Variants in DPH6 observed in about 807,000 individuals in gnomAD.
DPH6 encodes diphthamine biosynthesis 6, also known as diphthine--ammonia ligase.
In DPH6, 33 loss-of-function variants were observed where a neutral mutation model predicts 38.2. That is an observed-to-expected ratio of 0.86 (90% CI 0.65 to 1.15). DPH6 has a LOEUF of 1.15. Among genes scored for constraint, DPH6 ranks in the 50% most tolerant of loss-of-function variants. DPH6 has a pLI of 0.00. For missense variants in DPH6, 325 were observed against 320.0 expected (o/e 1.02, Z -0.12); for synonymous variants, 108 against 103.0 (o/e 1.05, Z -0.30).
At chr15:35,210,092 CT>C in the DPH6 span, among the ~76,000 whole-genome samples, 5 of 152,202 alleles carry the variant, frequency 3.3e-5, no homozygotes, top group African/African-American at 1.2e-4. Context: ...GACAGAGTAG[CT>C]TTTGTTTGTA....
Position 35,373,569 on chromosome 15 carries a change from A to T in DPH6, c.702T>A (p.Phe234Leu). The change falls in exon 8 of 9, where the codon TTT becomes TTA. Residue 234 changes from phenylalanine (F) to leucine (L), a missense_variant. Coordinates refer to ENST00000256538, the MANE Select transcript of DPH6 (RefSeq NM_080650.4). ...AAAAGCGTAGATAAGCCACAGGTGC[A>T]AATGCATCAGCTGAATGTATGACTA... ...SEVVIHSADA[F>L]APVAYLRFLE... 6.2e-7 allele frequency: 1 copy of T among 1,609,422 alleles called. No homozygotes were observed. Among genetic ancestry groups the T allele is most frequent in the Non-Finnish European group, 8.5e-7 (1 of 1,177,696 alleles).
At chr15:35,287,130 A>G (rs2051948710) in intron 3 of DPH6, among the ~76,000 whole-genome samples, 1 of 152,202 alleles carries the variant, frequency 6.6e-6, no homozygotes, top group Non-Finnish European at 1.5e-5. Flanking sequence ...GAAATGTTAC[A>G]ACTCAGTAAA....
chr15:35,294,358 C>A (rs1234618252), intron 3 of DPH6, among the ~76,000 whole-genome samples: 1 of 152,250 alleles, frequency 6.6e-6, no homozygotes, highest in East Asian at 1.9e-4. Flanking sequence ...ATCCCTCTGG[C>A]GATTACTGTT....
At chr15:35,403,837 T>C (rs1449386060) in intron 6 of DPH6, among the ~76,000 whole-genome samples, 1 of 151,376 alleles carries the variant, frequency 6.6e-6, no homozygotes, top group Non-Finnish European at 1.5e-5. Context: ...TTTTTTTTTT[T>C]GTACCCATTA....
intron 1 of DPH6, among the ~76,000 whole-genome samples, chr15:35,543,493 C>G (rs1489241500): frequency 1.3e-5 from 2 of 151,914 alleles, no homozygotes; most frequent in African/African-American, 4.8e-5. Flanking sequence ...TTCCCACTAT[C>G]ATTTATCATT....
chr15:35,178,194 A>G, the DPH6 span, among the ~76,000 whole-genome samples: 1 of 152,212 alleles, frequency 6.6e-6, no homozygotes, highest in Non-Finnish European at 1.5e-5. Flanking sequence ...TATTCCACAA[A>G]TAATTCTTCA....
chr15:35,508,086 G>C (rs2054720092), intron 3 of DPH6, among the ~76,000 whole-genome samples: 1 of 152,088 alleles, frequency 6.6e-6, no homozygotes, highest in African/African-American at 2.4e-5. Flanking sequence ...CAGGAGGACT[G>C]TGCAGCCCCT....
At chr15:35,160,891 C>CA in the DPH6 span, among the ~76,000 whole-genome samples, 4 of 151,918 alleles carry the variant, frequency 2.6e-5, no homozygotes, top group South Asian at 2.1e-4. Flanking sequence ...ATTGCAAGGA[C>CA]AAAAAACCAA....
At chr15:35,326,060 A>G (rs2052279726), downstream of DPH6, among the ~76,000 whole-genome samples, 1 of 152,192 alleles carries the variant, frequency 6.6e-6, no homozygotes. Flanking sequence ...AACTGTTGAC[A>G]AAGATATGGA....
intron 5 of DPH6, among the ~76,000 whole-genome samples, chr15:35,421,250 GA>G (rs552734243): frequency 6.6e-6 from 1 of 152,098 alleles, no homozygotes; most frequent in Non-Finnish European, 1.5e-5. Context: ...ACTCTTTCAA[GA>G]AAACTAACAT....
At chr15:35,399,888 G>A (rs1417383009) in intron 6 of DPH6, among the ~76,000 whole-genome samples, 3 of 152,216 alleles carry the variant, frequency 2.0e-5, no homozygotes, top group South Asian at 2.1e-4. Flanking sequence ...ATCTCTTGGA[G>A]AATGTGCTTC....
At chr15:35,298,091 C>T (rs972235499) in intron 3 of DPH6, among the ~76,000 whole-genome samples, 1 of 151,918 alleles carries the variant, frequency 6.6e-6, no homozygotes, top group African/African-American at 2.4e-5. Context: ...TAAAAAGCCA[C>T]AAAATAAAAA....
chr15:35,367,310 T>C (rs921953224), downstream of DPH6, among the ~76,000 whole-genome samples: 1 of 151,864 alleles, frequency 6.6e-6, no homozygotes, highest in African/African-American at 2.4e-5. Flanking sequence ...ATAAATACAA[T>C]TGCTTTGCTA....
intron 3 of DPH6, among the ~76,000 whole-genome samples, chr15:35,354,406 T>A (rs2052541958): frequency 1.3e-5 from 2 of 152,210 alleles, no homozygotes; most frequent in Admixed American, 1.3e-4. Flanking sequence ...AGTATGATAT[T>A]GGCTGTGGGT....
chr15:35,432,337 G>A (rs950578219), intron 5 of DPH6, among the ~76,000 whole-genome samples: 1 of 152,070 alleles, frequency 6.6e-6, no homozygotes, highest in Non-Finnish European at 1.5e-5. Flanking sequence ...TGCTGCAGTG[G>A]GTTTTCTGTC....
chr15:35,269,586 G>A (rs192866075), intron 3 of DPH6, among the ~76,000 whole-genome samples: 2 of 151,368 alleles, frequency 1.3e-5, no homozygotes, highest in Non-Finnish European at 2.9e-5. Context: ...ACAGGCGCCC[G>A]CCAACACGCC....
chr15:35,180,998 A>G, the DPH6 span, among the ~76,000 whole-genome samples: 3 of 152,336 alleles, frequency 2.0e-5, no homozygotes, highest in African/African-American at 7.2e-5. Flanking sequence ...CTGTGTTGAC[A>G]TTAGTGTTCT....
the DPH6 span, among the ~76,000 whole-genome samples, chr15:35,206,787 T>G: frequency 6.6e-6 from 1 of 152,168 alleles, no homozygotes; most frequent in African/African-American, 2.4e-5. Context: ...AATTCAGAAC[T>G]CAGAGTCCTT....
chr15:35,415,661 C>G (rs2053426794), intron 5 of DPH6, among the ~76,000 whole-genome samples: 1 of 151,960 alleles, frequency 6.6e-6, no homozygotes, highest in African/African-American at 2.4e-5. Context: ...AACCTGTGAT[C>G]TTCACACAGG....
Sources: allele counts gnomAD v4.1 joint callset (sites outside exome capture counted in the v4.1 genomes callset), GRCh38; gene constraint gnomAD v4.1.1; transcripts MANE v1.5; gene names NCBI Gene and HGNC (gene_info 2026-07-23, HGNC 2026-07-21).